The following CDH2 variants were observed in gnomAD, a reference collection of about 807,000 sequenced individuals.
The protein encoded by CDH2 is cadherin-2.
A neutral mutation model predicts 92.0 loss-of-function variants in CDH2; 17 were observed. The observed-to-expected ratio is 0.18, with a 90% CI of 0.13 to 0.28. The LOEUF (loss-of-function observed/expected upper bound fraction) is 0.28, where lower values mean the gene tolerates loss of function less well. Ranked by LOEUF, CDH2 falls within the 10% of genes least tolerant of loss-of-function variation. The probability of loss-of-function intolerance (pLI) is 1.00; values close to 1 mark genes in which losing one functional copy is unlikely to be tolerated. For missense variants in CDH2, 862 were observed against 1,133.1 expected (o/e 0.76, Z 3.44); for synonymous variants, 419 against 415.9 (o/e 1.01, Z -0.09).
intron 2 of CDH2, among the ~76,000 whole-genome samples, chr18:28,014,613 A>C (rs2013191227): frequency 6.6e-6 from 1 of 152,154 alleles, no homozygotes; most frequent in African/African-American, 2.4e-5. Flanking sequence ...AAAAATTTTA[A>C]ACAAATAAAA....
intron 7 of CDH2, among the ~76,000 whole-genome samples, chr18:28,002,223 A>G (rs957257932): frequency 9.2e-5 from 14 of 152,188 alleles, no homozygotes; most frequent in Non-Finnish European, 1.3e-4. Flanking sequence ...TAAAGGTGCA[A>G]GGCATGCCTG....
At chr18:28,063,196 T>A (rs1599071902) in intron 2 of CDH2, among the ~76,000 whole-genome samples, 1 of 151,994 alleles carries the variant, frequency 6.6e-6, no homozygotes, top group African/African-American at 2.4e-5. Context: ...GGAAAAAAAA[T>A]TATTATGGGA....
intron 3 of CDH2, 63 bp from the exon 4 acceptor site, chr18:28,012,055 A>C: frequency 1.5e-6 from 2 of 1,331,164 alleles, no homozygotes; most frequent in Non-Finnish European, 2.1e-6. Flanking sequence ...AAGTACATCA[A>C]TATTATTGAA....
Position 28,170,140 on chromosome 18 carries a change from T to C in CDH2, c.60+6823A>G, listed in dbSNP as rs187891292. Among the ~76,000 whole-genome samples the C allele has an allele frequency of 2.4e-4, 36 of 152,358 alleles. 1 individual carries two copies. The highest frequency in any genetic ancestry group is 7.2e-4 in the African/African-American group (30 of 41,592). ...TATCCATTAATTCAGCCAATCTTCC[T>C]TTGGATCTACTTATAGCTCAGGCTG... On this transcript the variant is annotated intron_variant, in intron 1 of 15. Coordinates refer to ENST00000269141, the MANE Select transcript of CDH2 (RefSeq NM_001792.5).
intron 2 of CDH2, among the ~76,000 whole-genome samples, chr18:28,137,536 T>G (rs1050643236): frequency 6.6e-5 from 10 of 152,008 alleles, no homozygotes; most frequent in African/African-American, 2.2e-4. Flanking sequence ...TTTAGACTCT[T>G]GCAGAGACAC....
In CDH2 at chr18:28,118,319, T is replaced by C. The variant is rs546516530; in HGVS notation, c.172+29354A>G. On this transcript the variant is annotated intron_variant, in intron 2 of 15. Transcript: ENST00000269141. The stretch of plus-strand genomic sequence containing the variant: ...GCTGATTTTGCCACAAATGCACTGC[T>C]GCACATTTACAGCCAAAGTGCTCCA... Among the ~76,000 whole-genome samples, 5 of 152,284 alleles carry C rather than the reference T, an allele frequency of 3.3e-5. No homozygotes were observed. The South Asian group carries it at 8.3e-4, about 25-fold the overall frequency.
chr18:27,960,087 A>C (rs1363659507), intron 15 of CDH2, among the ~76,000 whole-genome samples: 1 of 151,632 alleles, frequency 6.6e-6, no homozygotes, highest in African/African-American at 2.4e-5. Context: ...TTTCAGAATA[A>C]TTTCCAAATT....
chr18:28,048,406 G>T (rs1315557787), intron 2 of CDH2, among the ~76,000 whole-genome samples: 1 of 152,126 alleles, frequency 6.6e-6, no homozygotes, highest in Non-Finnish European at 1.5e-5. Context: ...TATAGGCAGA[G>T]ATCTTACTAT....
chr18:28,071,828 G>A lies in CDH2; in HGVS notation c.173-57919C>T, dbSNP rs193018758. Among the ~76,000 whole-genome samples, 892 of 152,064 alleles carry A rather than the reference G, an allele frequency of 5.9e-3. 4 individuals are homozygous for A. Among genetic ancestry groups the A allele is most frequent in the Non-Finnish European group, 8.6e-3 (586 of 68,020 alleles). ...AAGTTTGGTTTCTTTTCACACTTAGGGATTACACTATTAACCCTAAAGGTA... is the reference window on the plus strand; with the variant it reads ...AAGTTTGGTTTCTTTTCACACTTAGAGATTACACTATTAACCCTAAAGGTA... On this transcript the variant is annotated intron_variant, in intron 2 of 15. Transcript: ENST00000269141.
At chr18:27,984,935 A>AT in intron 13 of CDH2, 65 bp downstream of exon 13, 1 of 1,301,300 alleles carries the variant, frequency 7.7e-7, no homozygotes. Context: ...ATAGCAACAC[A>AT]TGACTTTGCT....
intron 2 of CDH2, among the ~76,000 whole-genome samples, chr18:28,049,112 C>T (rs896430374): frequency 5.3e-5 from 8 of 151,874 alleles, no homozygotes; most frequent in Non-Finnish European, 1.0e-4. Flanking sequence ...GGCGGTGTCA[C>T]GACATCTATT....
At chr18:28,023,311 T>C (rs763836395) in intron 2 of CDH2, among the ~76,000 whole-genome samples, 47 of 152,218 alleles carry the variant, frequency 3.1e-4, no homozygotes, top group South Asian at 8.3e-4. Context: ...ACCAGCCTCA[T>C]GTATGAATAT....
At chr18:27,936,564 C>G (rs1299607691) in intron 6 of CDH2, among the ~76,000 whole-genome samples, 1 of 152,130 alleles carries the variant, frequency 6.6e-6, no homozygotes, top group African/African-American at 2.4e-5. Context: ...GAATCTCACT[C>G]TGTCACCCAG....
At chr18:28,005,196 A>C (rs17493632) in intron 6 of CDH2, among the ~76,000 whole-genome samples, 54 of 152,236 alleles carry the variant, frequency 3.5e-4, no homozygotes, top group African/African-American at 1.3e-3. Context: ...TTAATACGAG[A>C]ATCTAAAATC....
chr18:27,956,237 T>C (rs1462391685), intron 15 of CDH2, among the ~76,000 whole-genome samples: 1 of 152,184 alleles, frequency 6.6e-6, no homozygotes, highest in African/African-American at 2.4e-5. Flanking sequence ...TTCTCTAGGT[T>C]TGACTAAATT....
chr18:28,013,796 A>T lies in CDH2; in HGVS notation c.286T>A (p.Ser96Thr). 1 of 1,614,026 alleles carries T rather than the reference A, an allele frequency of 6.2e-7. No homozygotes were observed. Among genetic ancestry groups the T allele is most frequent in the Non-Finnish European group, 8.5e-7 (1 of 1,179,934 alleles). Reference sequence around the variant, plus strand: ...ATCAGGAACTTGGCATGCTCAGAAGAGAGTGGAAAGCTTCTCACGGCATAC... The same window carrying T: ...ATCAGGAACTTGGCATGCTCAGAAGTGAGTGGAAAGCTTCTCACGGCATAC... ...MVYAVRSFPLSSEHAKFLIYA... is the reference protein window; with the variant it reads ...MVYAVRSFPLTSEHAKFLIYA... The change falls in exon 3 of 16, where the codon TCT (serine) becomes ACT (threonine). Residue 96 changes from serine to threonine, a missense_variant. Ser to Thr is a moderately conservative substitution (Grantham distance 58). Coordinates refer to ENST00000269141, the MANE Select transcript of CDH2 (RefSeq NM_001792.5).
chr18:28,115,257 G>T (rs909605050), intron 2 of CDH2, among the ~76,000 whole-genome samples: 1 of 152,178 alleles, frequency 6.6e-6, no homozygotes, highest in African/African-American at 2.4e-5. Flanking sequence ...TCTGCCCACA[G>T]GGGATTGCCC....
rs186974182 is a variant in CDH2, at chr18:27,971,200, C to A, written c.2350-7679G>T. ...GCAGTAAGCCAAGATCACACCACTG[C>A]ACTCCAGCCTGGGCAACAGAGCGAG... On this transcript the variant is annotated intron_variant, in intron 14 of 15. Transcript: ENST00000269141. 3.4e-4 allele frequency among the ~76,000 whole-genome samples: 52 copies of A among 151,626 alleles called. 1 individual carries two copies. Among genetic ancestry groups the A allele is most frequent in the African/African-American group, 1.2e-3 (49 of 41,344 alleles).
intron 2 of CDH2, among the ~76,000 whole-genome samples, chr18:28,112,161 T>C (rs548880643): frequency 1.1e-4 from 17 of 152,314 alleles, no homozygotes; most frequent in African/African-American, 3.1e-4. Flanking sequence ...AGATAGAGCA[T>C]GAATCACGTC....
Sources: gnomAD v4.1 joint callset for allele counts (sites outside exome capture counted in the v4.1 genomes callset) on GRCh38, gnomAD v4.1.1 for gene constraint, MANE v1.5 for transcripts, NCBI Gene and HGNC (gene_info 2026-07-23, HGNC 2026-07-21) for gene names.